Variants in SLC25A48 observed in about 807,000 individuals in gnomAD.
SLC25A48 encodes the protein CTC-321K16.1.
SLC25A48 carries 29 observed loss-of-function variants against 32.2 expected under a neutral mutation model. The observed-to-expected ratio is 0.90, with a 90% CI of 0.67 to 1.23. SLC25A48 has a LOEUF of 1.23. Ranked by LOEUF, SLC25A48 falls within the 50% of genes most tolerant of loss-of-function variation. SLC25A48 has a pLI of 0.00. For synonymous variants in SLC25A48, 164 were observed against 172.3 expected, an observed-to-expected ratio of 0.95 and a Z score of 0.38; for missense variants, 399 against 422.7, an observed-to-expected ratio of 0.94 and a Z score of 0.49.
Position 135,874,118 on chromosome 5 carries a change from C to T in SLC25A48, c.777C>T (p.Asp259=), listed in dbSNP as rs527291747. Residue 259 remains aspartate, a synonymous_variant, in exon 6 of 8, where the codon GAC becomes GAT. Transcript: ENST00000681962. ...VYLNKYKGVL[D]CISQSYQKEG... The stretch of plus-strand genomic sequence containing the variant: ...TAAACAAATATAAAGGTGTCCTGGA[C>T]TGTATCTCCCAGAGTTACCAGAAGG... 3.1e-5 allele frequency: 47 copies of T among 1,501,924 alleles called. No individual in the cohort carries two copies. The African/African-American group carries it at 5.2e-4, about 17-fold the overall frequency. The allele number at this position is 1,501,924 out of a possible 1,614,324, so 93.0% of individuals were successfully genotyped here. A position where few individuals can be genotyped will look rare whatever the true frequency, so the allele number is the denominator to read the frequency against.
In SLC25A48 at chr5:135,780,160, CTTTTTTT is replaced by C. The variant is rs34277772; in HGVS notation, c.-520-32344_-520-32338del. Among the ~76,000 whole-genome samples the C allele has an allele frequency of 2.0e-3, 76 of 38,844 alleles. 8 individuals carry two copies. Among genetic ancestry groups the C allele is most frequent in the African/African-American group, 3.5e-3 (58 of 16,672 alleles). 25.5% of individuals were successfully genotyped at this position (38,844 alleles called of 152,430 possible). A position where few individuals can be genotyped will look rare whatever the true frequency, so the allele number is the denominator to read the frequency against. On this transcript the variant is annotated intron_variant, in intron 3 of 10. Coordinates refer to the SLC25A48 transcript ENST00000646290. ...CGTGCCTGTGTTATTGTTTCTTCGT[CTTTTTTT>C]TTTTTTTTTTTTTTTTTTGAGACAT... is the stretch of plus-strand genomic sequence containing the variant.
chr5:135,694,439 G>T (rs1256896503), intron 3 of SLC25A48, among the ~76,000 whole-genome samples: 1 of 152,104 alleles, frequency 6.6e-6, no homozygotes, highest in Non-Finnish European at 1.5e-5. Context: ...CATATTTAGG[G>T]ATGTAAAATG....
intron 3 of SLC25A48, among the ~76,000 whole-genome samples, chr5:135,640,264 T>A (rs574477355): frequency 5.6e-4 from 86 of 152,286 alleles, no homozygotes; most frequent in Non-Finnish European, 1.0e-3. Flanking sequence ...CAGAGACTCA[T>A]GTCCTATGGG....
At chr5:135,616,953 A>G (rs913881229) in intron 1 of SLC25A48, among the ~76,000 whole-genome samples, 3 of 152,192 alleles carry the variant, frequency 2.0e-5, no homozygotes, top group Admixed American at 6.5e-5. Context: ...TTTTGGTATC[A>G]GGGTAATGTT....
intron 3 of SLC25A48, among the ~76,000 whole-genome samples, chr5:135,793,047 G>A (rs1033550662): frequency 1.1e-4 from 16 of 146,126 alleles, no homozygotes; most frequent in Non-Finnish European, 2.3e-4. Flanking sequence ...ACACCAGGTG[G>A]GTACACCCTG....
intron 4 of SLC25A48, among the ~76,000 whole-genome samples, chr5:135,854,285 T>C (rs557874254): frequency 3.3e-5 from 5 of 152,226 alleles, no homozygotes; most frequent in Admixed American, 1.3e-4. Flanking sequence ...AGCCTGTCTT[T>C]TGAAACTTCA....
intron 1 of SLC25A48, among the ~76,000 whole-genome samples, chr5:135,585,925 T>C (rs1385998129): frequency 6.6e-6 from 1 of 152,242 alleles, no homozygotes; most frequent in Admixed American, 6.5e-5. Flanking sequence ...ACTCCCCTTA[T>C]CTGTGGGTTG....
At chr5:135,711,025 A>G (rs1046181255) in intron 3 of SLC25A48, among the ~76,000 whole-genome samples, 2 of 152,248 alleles carry the variant, frequency 1.3e-5, no homozygotes, top group African/African-American at 4.8e-5. Context: ...AAGCCTCGCC[A>G]TAAAATAGGA....
At chr5:135,773,257 G>A (rs1756462372) in intron 3 of SLC25A48, among the ~76,000 whole-genome samples, 1 of 151,534 alleles carries the variant, frequency 6.6e-6, no homozygotes, top group Non-Finnish European at 1.5e-5. Context: ...ATCTCAGAAT[G>A]TGTACACTTC....
At chr5:135,762,939 GGTAA>G (rs889156774) in intron 3 of SLC25A48, among the ~76,000 whole-genome samples, 10 of 152,014 alleles carry the variant, frequency 6.6e-5, no homozygotes, top group African/African-American at 1.7e-4. Context: ...TGTGAGTAGG[GGTAA>G]GTGTGTGTGA....
chr5:135,671,755 C>A (rs1475958330), intron 3 of SLC25A48: 3 of 152,204 alleles, frequency 2.0e-5, no homozygotes, highest in Admixed American at 1.3e-4. Flanking sequence ...AAGGTAATTT[C>A]ATTTTTATAT....
intron 3 of SLC25A48, among the ~76,000 whole-genome samples, chr5:135,693,536 A>G (rs908743449): frequency 6.6e-6 from 1 of 152,224 alleles, no homozygotes; most frequent in African/African-American, 2.4e-5. Context: ...GGTAGGATTG[A>G]CATGTGTACC....
intron 3 of SLC25A48, chr5:135,714,575 C>T (rs1489402320): frequency 6.6e-6 from 1 of 152,256 alleles, no homozygotes; most frequent in Non-Finnish European, 1.5e-5. Context: ...ATTACCTTCC[C>T]TTGAACCTTC....
Position 135,670,830 on chromosome 5 carries a change from G to A in SLC25A48, c.-521+35874G>A, listed in dbSNP as rs1199671899. On this transcript the variant is annotated intron_variant, in intron 3 of 10. Transcript: ENST00000646290. ...CAGTCTTTGTTCTCTTCCACAATTA[G>A]ACATATCAGATTCAAAAGGGACATT... Among the ~76,000 whole-genome samples, 9 of 152,094 alleles carry A rather than the reference G, an allele frequency of 5.9e-5. No homozygotes were observed. The East Asian group carries it at 1.2e-3, about 20-fold the overall frequency.
chr5:135,805,861 T>C (rs1757452734), intron 3 of SLC25A48, among the ~76,000 whole-genome samples: 1 of 151,584 alleles, frequency 6.6e-6, no homozygotes. Context: ...TGTGGGTGTA[T>C]ACCCTGTGTG....
intron 1 of SLC25A48, among the ~76,000 whole-genome samples, chr5:135,593,201 G>A (rs957367480): frequency 5.9e-5 from 9 of 152,108 alleles, no homozygotes; most frequent in African/African-American, 2.2e-4. Flanking sequence ...TTCTAGTCAC[G>A]GCTGATGGAG....
At chr5:135,759,573 C>T (rs1158725488) in intron 3 of SLC25A48, among the ~76,000 whole-genome samples, 1 of 152,176 alleles carries the variant, frequency 6.6e-6, no homozygotes, top group African/African-American at 2.4e-5. Flanking sequence ...CCCCTACTCA[C>T]AGCCAAGATT....
chr5:135,804,770 G>A (rs1428037042), intron 3 of SLC25A48, among the ~76,000 whole-genome samples: 2 of 151,666 alleles, frequency 1.3e-5, no homozygotes, highest in Non-Finnish European at 3.0e-5. Flanking sequence ...TGTACACCCT[G>A]TGAAAATATT....
At chr5:135,596,370 A>C (rs1751651250) in intron 1 of SLC25A48, among the ~76,000 whole-genome samples, 1 of 152,228 alleles carries the variant, frequency 6.6e-6, no homozygotes, top group South Asian at 2.1e-4. Context: ...GAACTTATGC[A>C]CAGAGACATG....
Sources: allele counts gnomAD v4.1 joint callset (sites outside exome capture counted in the v4.1 genomes callset), GRCh38; gene constraint gnomAD v4.1.1; transcripts MANE v1.5; gene names NCBI Gene and HGNC (gene_info 2026-07-23, HGNC 2026-07-21).